GFRA1: variants seen among roughly 807,000 people sequenced by gnomAD.
GFRA1 encodes the protein GDNF family receptor alpha-1.
In GFRA1, 16 loss-of-function variants were observed where a neutral mutation model predicts 51.6. The ratio of observed to expected loss-of-function variants is 0.31; its 90% CI spans 0.21 to 0.47. The LOEUF (loss-of-function observed/expected upper bound fraction) is 0.47. Among genes scored for constraint, GFRA1 ranks in the 20% least tolerant of loss-of-function variants. The probability of loss-of-function intolerance (pLI) is 1.00; values close to 1 mark genes in which losing one functional copy is unlikely to be tolerated. For missense variants in GFRA1, 530 were observed against 594.3 expected, an observed-to-expected ratio of 0.89 and a Z score of 1.13; for synonymous variants, 270 against 241.3, an observed-to-expected ratio of 1.12 and a Z score of -1.10.
chr10:116,271,335 G>A (rs1565695293), intron 2 of GFRA1, among the ~76,000 whole-genome samples: 1 of 152,058 alleles, frequency 6.6e-6, no homozygotes. Flanking sequence ...AGGAAGAGTG[G>A]CGCAGGCTCA....
rs201502740 is a variant in GFRA1 at position 116,217,479 on chromosome 10, CTA to C, written c.419-5836_419-5835del. Among the ~76,000 whole-genome samples the C allele has an allele frequency of 8.2e-3, 1,252 of 152,306 alleles. 38 individuals are homozygous for C. Among genetic ancestry groups the C allele is most frequent in the East Asian group, 0.022 (114 of 5,170 alleles). ...CCATACTGGACTAGCTATTTAAACT[CTA>C]TGAGTCTTCATTTCCTCACTTGTAA... On this transcript the variant is annotated intron_variant, in intron 4 of 10. Coordinates refer to ENST00000355422, the MANE Select transcript of GFRA1 (RefSeq NM_005264.8).
At chr10:116,076,129 T>TAA (rs1955610182) in intron 9 of GFRA1, among the ~76,000 whole-genome samples, 1 of 152,072 alleles carries the variant, frequency 6.6e-6, no homozygotes, top group South Asian at 2.1e-4. Flanking sequence ...ACAGAATCAC[T>TAA]AAGTGCTGTC....
At chr10:116,184,140 C>G (rs1401652847) in intron 5 of GFRA1, among the ~76,000 whole-genome samples, 4 of 152,194 alleles carry the variant, frequency 2.6e-5, no homozygotes, top group Non-Finnish European at 5.9e-5. Context: ...TCATGAAATG[C>G]ATAGTAACAG....
intron 4 of GFRA1, among the ~76,000 whole-genome samples, chr10:116,219,183 T>A (rs1055047564): frequency 6.6e-6 from 1 of 152,252 alleles, no homozygotes; most frequent in East Asian, 1.9e-4. Context: ...CTATCCCTAG[T>A]ATATCTCATT....
intron 5 of GFRA1, among the ~76,000 whole-genome samples, chr10:116,177,462 T>G (rs1462275269): frequency 1.3e-5 from 2 of 152,164 alleles, no homozygotes; most frequent in African/African-American, 2.4e-5. Flanking sequence ...GGGGTGCTCA[T>G]GAGCTTGGGA....
chr10:116,237,292 G>T (rs990489361), intron 4 of GFRA1, among the ~76,000 whole-genome samples: 2 of 152,078 alleles, frequency 1.3e-5, no homozygotes, highest in African/African-American at 4.8e-5. Context: ...TCAGCTCTCT[G>T]GTTGAACCAT....
chr10:116,242,279 GA>G (rs1967454922), intron 4 of GFRA1, among the ~76,000 whole-genome samples: 1 of 152,200 alleles, frequency 6.6e-6, no homozygotes, highest in East Asian at 1.9e-4. Flanking sequence ...TAACTCAGCA[GA>G]GACTGGCTTC....
Position 116,061,060 on chromosome 10 carries a change from C to T in GFRA1, c.*3338G>A, listed in dbSNP as rs976140256. On this transcript the variant is annotated 3_prime_UTR_variant, in exon 11 of 11. Coordinates refer to ENST00000355422, the MANE Select transcript of GFRA1 (RefSeq NM_005264.8). ...TGCTTGGGAGTGTCTGATTTAGAGA[C>T]AAGAAGGCAAGAGGGAGACGGGCGG... 3 of 151,994 alleles carry T rather than the reference C, an allele frequency of 2.0e-5. No individual in the cohort carries two copies. The highest frequency in any genetic ancestry group is 7.3e-5 in the African/African-American group (3 of 41,352). 9.4% of individuals were successfully genotyped at this position (151,994 alleles called of 1,614,324 possible).
intron 5 of GFRA1, among the ~76,000 whole-genome samples, chr10:116,128,594 C>T (rs1025268449): frequency 6.6e-5 from 10 of 151,830 alleles, no homozygotes; most frequent in Non-Finnish European, 8.8e-5. Flanking sequence ...GGCTTGGTGG[C>T]GGGCGCCTGT....
At chr10:116,222,259 C>T (rs908965517) in intron 4 of GFRA1, among the ~76,000 whole-genome samples, 6 of 152,050 alleles carry the variant, frequency 3.9e-5, no homozygotes, top group South Asian at 2.1e-4. Flanking sequence ...AGTGCAGCAG[C>T]GTGATCTCGG....
intron 6 of GFRA1, among the ~76,000 whole-genome samples, chr10:116,099,727 C>T (rs760623810): frequency 5.3e-5 from 8 of 152,110 alleles, no homozygotes; most frequent in Non-Finnish European, 1.2e-4. Flanking sequence ...AGACCCTGTC[C>T]TTGAACTTAT....
chr10:116,149,673 A>G (rs1589826353), intron 5 of GFRA1, among the ~76,000 whole-genome samples: 1 of 152,204 alleles, frequency 6.6e-6, no homozygotes, highest in African/African-American at 2.4e-5. Flanking sequence ...TTAATGATAC[A>G]GATTCCAATG....
chr10:116,108,299 C>A (rs957316031), intron 6 of GFRA1, among the ~76,000 whole-genome samples: 1 of 152,172 alleles, frequency 6.6e-6, no homozygotes, highest in Non-Finnish European at 1.5e-5. Context: ...CTAATATCTT[C>A]CTTCTTAGAT....
At chr10:116,171,890 T>C (rs907629756) in intron 5 of GFRA1, among the ~76,000 whole-genome samples, 10 of 152,168 alleles carry the variant, frequency 6.6e-5, no homozygotes, top group Non-Finnish European at 1.2e-4. Context: ...GGTATCAGTG[T>C]GGTATCAGCA....
intron 5 of GFRA1, among the ~76,000 whole-genome samples, chr10:116,129,803 T>C (rs1958029757): frequency 6.6e-6 from 1 of 152,046 alleles, no homozygotes; most frequent in Admixed American, 6.5e-5. Context: ...TTATAAGGCA[T>C]ATGTGATTTT....
In GFRA1 at chr10:116,182,214, CAAT is replaced by C. The variant is rs986276194; in HGVS notation, c.433+29414_433+29416del. Among the ~76,000 whole-genome samples the C allele has an allele frequency of 6.6e-5, 10 of 151,622 alleles. 1 individual carries two copies. The South Asian group carries it at 1.3e-3, about 19-fold the overall frequency. On this transcript the variant is annotated intron_variant, in intron 5 of 10. Transcript: ENST00000355422. ...GAAAAGGACTGTCCCTTGTACAGTG[CAAT>C]GATGATAGTGTTCCATAAACCAAGG...
chr10:116,122,783 C>G (rs1175182225), intron 6 of GFRA1, among the ~76,000 whole-genome samples: 1 of 152,182 alleles, frequency 6.6e-6, no homozygotes, highest in Non-Finnish European at 1.5e-5. Flanking sequence ...CACCTCCCAG[C>G]CATCGTTCAA....
At chr10:116,273,667 CTCTG>C (rs1156688295), upstream of GFRA1, among the ~76,000 whole-genome samples, 1,306 of 64,384 alleles carry the variant, frequency 0.02, 10 homozygotes, top group African/African-American at 0.043. Flanking sequence ...CTCTCTCTCT[CTCTG>C]TCTCTCTCTC....
At chr10:116,205,926 T>TCACACA (rs55780139) in intron 5 of GFRA1, among the ~76,000 whole-genome samples, 19,230 of 142,344 alleles carry the variant, frequency 0.14, 1,243 homozygotes, top group Non-Finnish European at 0.15. Context: ...TTTCCTCATA[T>TCACACA]CACACACACA....
Sources: allele counts gnomAD v4.1 joint callset (sites outside exome capture counted in the v4.1 genomes callset), GRCh38; gene constraint gnomAD v4.1.1; transcripts MANE v1.5; gene names NCBI Gene and HGNC (gene_info 2026-07-23, HGNC 2026-07-21).